CACNA1C: variants seen among roughly 807,000 people sequenced by gnomAD.
The protein encoded by CACNA1C is calcium voltage-gated channel subunit alpha1 C.
CACNA1C carries 30 observed loss-of-function variants against 229.0 expected under a neutral mutation model. That is an observed-to-expected ratio of 0.13 (90% CI 0.10 to 0.18). The LOEUF (loss-of-function observed/expected upper bound fraction) is 0.18. Ranked by LOEUF, CACNA1C falls within the 10% of genes least tolerant of loss-of-function variation. CACNA1C has a pLI of 1.00. For synonymous variants in CACNA1C, 1,114 were observed against 1,132.5 expected (o/e 0.98, Z 0.33); for missense variants, 1,658 against 2,845.0 (o/e 0.58, Z 9.49).
intron 1 of CACNA1C, among the ~76,000 whole-genome samples, chr12:1,982,915 G>A (rs1009903634): frequency 5.9e-5 from 9 of 151,962 alleles, no homozygotes; most frequent in African/African-American, 1.4e-4. Flanking sequence ...TCTGAACTTG[G>A]AGTTTTGTTA....
chr12:2,123,236 C>T (rs980443714), intron 3 of CACNA1C, among the ~76,000 whole-genome samples: 4 of 151,994 alleles, frequency 2.6e-5, no homozygotes, highest in East Asian at 3.9e-4. Context: ...ATTAGCCAGG[C>T]GTGGTGGCGG....
At chr12:2,169,674 C>T (rs1775680728) in intron 3 of CACNA1C, among the ~76,000 whole-genome samples, 1 of 152,178 alleles carries the variant, frequency 6.6e-6, no homozygotes, top group Non-Finnish European at 1.5e-5. Context: ...TGGCATTTGC[C>T]AGCCTCTGTT....
chr12:2,277,350 GACAGACAGACAGACACACACACACAC>G (rs1489730451), intron 3 of CACNA1C, among the ~76,000 whole-genome samples: 6 of 76,456 alleles, frequency 7.8e-5, no homozygotes, highest in African/African-American at 2.7e-4. Context: ...CAGACAGACA[GACAGACAGACAGACACACACACACAC>G]ACACACACAC....
At position 2,319,539 on chromosome 12, in the gene CACNA1C, C is replaced by T. The variant is rs2095867639; in HGVS notation, c.478-129437C>T. ...CAGCAGCCAGCGGGTGGGTTGGATT[C>T]CAGGGTCTCCACTCAGGGGCATTGC... On this transcript the variant is annotated intron_variant, in intron 3 of 46. Coordinates refer to ENST00000399655, the MANE Select transcript of CACNA1C (RefSeq NM_000719.7). The surrounding 1 kb of genome is among the most constrained non-coding windows in gnomAD (Gnocchi z 4.0). 6.6e-6 allele frequency among the ~76,000 whole-genome samples: 1 copy of T among 152,150 alleles called. No homozygotes were observed. Among genetic ancestry groups the T allele is most frequent in the African/African-American group, 2.4e-5 (1 of 41,436 alleles).
At position 2,585,390 on chromosome 12, in the gene CACNA1C, A is replaced by T. The variant is rs758022901; in HGVS notation, c.2354A>T (p.Glu785Val). Residue 785 changes from glutamate (E) to valine (V), a missense_variant, in exon 17 of 47, where the codon GAG (glutamate) becomes GTG (valine). Coordinates refer to ENST00000399655, the MANE Select transcript of CACNA1C (RefSeq NM_000719.7). This position sits in a 1 kb window ranked among gnomAD's most constrained non-coding sequence, Gnocchi z 4.1. ...RKKLARTASP[E>V]KKQELVEKPA... ...TGACTGGCCAGGACTGCCAGCCCAG[A>T]GAAGAAACAAGAGTTGGTGGAGAAG... 6.2e-7 allele frequency: 1 copy of T among 1,612,594 alleles called. No individual in the cohort carries two copies. The highest frequency in any genetic ancestry group is 1.1e-5 in the South Asian group (1 of 90,774).
At chr12:2,093,657 C>T (rs892012007) in intron 1 of CACNA1C, among the ~76,000 whole-genome samples, 12 of 152,210 alleles carry the variant, frequency 7.9e-5, no homozygotes, top group Non-Finnish European at 1.2e-4. Flanking sequence ...TCCCTCATCG[C>T]GGAGCACTTT....
intron 3 of CACNA1C, among the ~76,000 whole-genome samples, chr12:2,143,974 CCTGA>C (rs886334006): frequency 2.6e-5 from 4 of 151,180 alleles, no homozygotes; most frequent in African/African-American, 9.7e-5. Context: ...TTTTCAGCTG[CCTGA>C]CTGTGAATTT....
At chr12:2,024,498 A>G (rs2154489251) in intron 1 of CACNA1C, among the ~76,000 whole-genome samples, 1 of 152,224 alleles carries the variant, frequency 6.6e-6, no homozygotes, top group Non-Finnish European at 1.5e-5. Flanking sequence ...CCCTCCCTGC[A>G]TGGCCCATGA....
In CACNA1C at chr12:2,274,794, C is replaced by T. The variant is rs532504264; in HGVS notation, c.477+154364C>T. Among the ~76,000 whole-genome samples the T allele has an allele frequency of 7.2e-5, 11 of 152,248 alleles. No homozygotes were observed. In the East Asian group the frequency reaches 1.9e-3, roughly 27 times the overall value. ...TATGGTCTGAGGGTGCAGTCTAGAG[C>T]GGGGACTGATGGGGTTTGTCTGAAG... On this transcript the variant is annotated intron_variant, in intron 3 of 46. Transcript: ENST00000399655.
intron 5 of CACNA1C, among the ~76,000 whole-genome samples, chr12:2,474,720 C>A (rs1320125378): frequency 6.8e-6 from 1 of 147,416 alleles, no homozygotes; most frequent in Non-Finnish European, 1.5e-5. Context: ...CACGCCATTG[C>A]GCTCCAGCCT....
intron 1 of CACNA1C, among the ~76,000 whole-genome samples, chr12:2,018,949 C>T (rs1019427466): frequency 5.9e-5 from 9 of 152,000 alleles, no homozygotes. Context: ...ATAAAAAAAA[C>T]ATTTAACCCT....
chr12:2,171,588 G>GT (rs1176951810), intron 3 of CACNA1C, among the ~76,000 whole-genome samples: 3 of 152,040 alleles, frequency 2.0e-5, no homozygotes, highest in Admixed American at 6.5e-5. Flanking sequence ...TCCCTTCTTC[G>GT]TTTTCTCCCT....
intron 1 of CACNA1C, chr12:2,011,150 T>TAAA (rs2044350534): frequency 4.0e-5 from 1 of 24,864 alleles, no homozygotes; most frequent in African/African-American, 1.8e-4. Context: ...AAACTGAGTC[T>TAAA]CAAAAAAAAA....
At chr12:2,065,409 G>GT (rs966897997) in intron 1 of CACNA1C, among the ~76,000 whole-genome samples, 15 of 152,028 alleles carry the variant, frequency 9.9e-5, no homozygotes, top group Non-Finnish European at 1.3e-4. Flanking sequence ...ATTCTAAATA[G>GT]TTTTTTTTCC....
chr12:2,336,864 C>T (rs1250431985), intron 3 of CACNA1C, among the ~76,000 whole-genome samples: 7 of 152,062 alleles, frequency 4.6e-5, no homozygotes, highest in Non-Finnish European at 1.0e-4. Context: ...AGTGCCATGT[C>T]GGGCAGGGTT....
chr12:2,414,892 TCCCAAGAACTGG>T (rs1307912282), intron 3 of CACNA1C, among the ~76,000 whole-genome samples: 1 of 152,070 alleles, frequency 6.6e-6, no homozygotes, highest in Admixed American at 6.5e-5. Context: ...GCTTTCTTTC[TCCCAAGAACTGG>T]CCCAAAGGCC....
intron 11 of CACNA1C, among the ~76,000 whole-genome samples, chr12:2,563,372 T>C (rs2048517881): frequency 6.6e-6 from 1 of 152,232 alleles, no homozygotes; most frequent in Non-Finnish European, 1.5e-5. Context: ...CTCTTCAGTA[T>C]ACAGATTGGA....
At chr12:2,283,038 T>A (rs1214056997) in intron 3 of CACNA1C, among the ~76,000 whole-genome samples, 2 of 150,302 alleles carry the variant, frequency 1.3e-5, no homozygotes, top group African/African-American at 4.9e-5. Flanking sequence ...TTTTTTTACA[T>A]AAAACAGAGG....
intron 29 of CACNA1C, among the ~76,000 whole-genome samples, chr12:2,617,310 C>G (rs967413908): frequency 1.3e-5 from 2 of 152,204 alleles, no homozygotes; most frequent in Admixed American, 6.5e-5. Context: ...CTTGGGGCCA[C>G]TCTTCATAGC....
Sources: gnomAD v4.1 joint callset for allele counts (sites outside exome capture counted in the v4.1 genomes callset) on GRCh38, gnomAD v4.1.1 for gene constraint, Gnocchi (gnomAD v3.1) non-coding constraint, MANE v1.5 for transcripts, NCBI Gene and HGNC (gene_info 2026-07-23, HGNC 2026-07-21) for gene names.